The following TUNAR variants were observed in gnomAD, a reference collection of about 807,000 sequenced individuals.
TUNAR encodes protein TUNAR.
Position 95,905,384 on chromosome 14 carries a change from T to G in TUNAR, c.13-17397T>G, listed in dbSNP as rs538143567. On this transcript the variant is annotated intron_variant, in intron 2 of 2. Coordinates refer to ENST00000678517, the Ensembl canonical transcript of TUNAR. ...CCAATCTGGGGCAGTTCTTCAGTCT[T>G]TCTTTGTCTTCCATGACCCTAACAC... Among the ~76,000 whole-genome samples the G allele has an allele frequency of 4.6e-5, 7 of 152,340 alleles. No individual in the cohort carries two copies. In the South Asian group the frequency reaches 1.5e-3, roughly 32 times the overall value.
intron 2 of TUNAR, among the ~76,000 whole-genome samples, chr14:95,915,186 T>C (rs1242268250): frequency 6.6e-6 from 1 of 152,202 alleles, no homozygotes; most frequent in African/African-American, 2.4e-5. Context: ...ATACCCCTTC[T>C]GTACAAGTAA....
intron 2 of TUNAR, among the ~76,000 whole-genome samples, chr14:95,910,801 C>G (rs538330646): frequency 2.0e-5 from 3 of 152,160 alleles, no homozygotes; most frequent in Non-Finnish European, 2.9e-5. Context: ...CAGCCCCTGA[C>G]GAAGACCTTG....
At chr14:95,919,891 A>G (rs1413860900) in intron 2 of TUNAR, among the ~76,000 whole-genome samples, 3 of 152,218 alleles carry the variant, frequency 2.0e-5, no homozygotes, top group African/African-American at 7.2e-5. Context: ...AATTTGCTGT[A>G]TGTTAAAAAA....
intron 2 of TUNAR, among the ~76,000 whole-genome samples, chr14:95,901,387 C>T (rs1950255985): frequency 6.6e-6 from 1 of 152,204 alleles, no homozygotes; most frequent in Admixed American, 6.5e-5. Context: ...GGATTCTGTT[C>T]ATGTATTCAG....
chr14:95,898,623 C>CT (rs944158197), intron 2 of TUNAR, among the ~76,000 whole-genome samples: 5 of 151,718 alleles, frequency 3.3e-5, no homozygotes, highest in African/African-American at 7.3e-5. Context: ...TGTCATTTTG[C>CT]TTTTTTTTAA....
chr14:95,916,429 T>G (rs1183923174), intron 2 of TUNAR, among the ~76,000 whole-genome samples: 2 of 152,232 alleles, frequency 1.3e-5, no homozygotes, highest in Non-Finnish European at 2.9e-5. Flanking sequence ...TATTTGCAAT[T>G]CATCCATGCG....
chr14:95,896,195 C>T (rs187882314), intron 2 of TUNAR, among the ~76,000 whole-genome samples: 2 of 152,300 alleles, frequency 1.3e-5, no homozygotes, highest in East Asian at 1.9e-4. Context: ...CCTTTCCTAC[C>T]GATCTCAACG....
chr14:95,891,527 G>T (rs1889180335), intron 2 of TUNAR, among the ~76,000 whole-genome samples: 1 of 152,214 alleles, frequency 6.6e-6, no homozygotes, highest in Non-Finnish European at 1.5e-5. Context: ...AAAAGGCTCA[G>T]ACACCCTCAG....
At chr14:95,885,796 C>T (rs1889066859) in intron 2 of TUNAR, among the ~76,000 whole-genome samples, 1 of 152,148 alleles carries the variant, frequency 6.6e-6, no homozygotes, top group Non-Finnish European at 1.5e-5. Context: ...ACCCCCTGTA[C>T]CCTCTATATT....
At chr14:95,896,715 C>G (rs750072941) in intron 2 of TUNAR, among the ~76,000 whole-genome samples, 4 of 152,228 alleles carry the variant, frequency 2.6e-5, no homozygotes, top group Non-Finnish European at 5.9e-5. Context: ...CCAGGTGCCC[C>G]AAAAGGTGGA....
exon 3 of TUNAR, chr14:95,923,571 T>C (rs1889734188): frequency 6.6e-6 from 1 of 152,252 alleles, no homozygotes; most frequent in African/African-American, 2.4e-5. Context: ...TTTTTTAGCA[T>C]GAACCAAATA....
intron 2 of TUNAR, among the ~76,000 whole-genome samples, chr14:95,912,492 C>T (rs1398498493): frequency 6.6e-6 from 1 of 152,134 alleles, no homozygotes; most frequent in African/African-American, 2.4e-5. Context: ...AACTAGATAA[C>T]AGTTTTCTAT....
chr14:95,877,200 C>G (rs1190424393), intron 2 of TUNAR, 23 bp downstream of exon 1: 1 of 152,310 alleles, frequency 6.6e-6, no homozygotes, highest in Non-Finnish European at 1.5e-5. Context: ...CTCCGCCTCG[C>G]GAACAAAGCT....
chr14:95,902,092 T>C (rs1889363538), intron 2 of TUNAR, among the ~76,000 whole-genome samples: 1 of 152,148 alleles, frequency 6.6e-6, no homozygotes, highest in African/African-American at 2.4e-5. Flanking sequence ...CCTTTAGTTG[T>C]GATGGGATTG....
chr14:95,896,648 A>G (rs1889274062), intron 2 of TUNAR, among the ~76,000 whole-genome samples: 1 of 152,244 alleles, frequency 6.6e-6, no homozygotes, highest in African/African-American at 2.4e-5. Context: ...GCAAATAAAA[A>G]TGGAATCAGG....
At chr14:95,906,401 CTTT>C (rs1474439993) in intron 2 of TUNAR, among the ~76,000 whole-genome samples, 1 of 152,196 alleles carries the variant, frequency 6.6e-6, no homozygotes, top group Non-Finnish European at 1.5e-5. Context: ...CTCATTTTAA[CTTT>C]TTCCCTTTCC....
chr14:95,889,420 A>G (rs1386547799), intron 2 of TUNAR, among the ~76,000 whole-genome samples: 1 of 151,958 alleles, frequency 6.6e-6, no homozygotes, highest in Non-Finnish European at 1.5e-5. Context: ...GTGAAGGAGA[A>G]GTTGGCTTGC....
Position 95,913,921 on chromosome 14 carries a change from C to T in TUNAR, c.13-8860C>T, listed in dbSNP as rs370451128. On this transcript the variant is annotated intron_variant, in intron 2 of 2. Coordinates refer to ENST00000678517, the Ensembl canonical transcript of TUNAR. ...CTAATTTTTGTATTTATAGTAGAGACGGGGTTTCACCATGTTGGTCAGGAT... is the reference window on the plus strand; with the variant it reads ...CTAATTTTTGTATTTATAGTAGAGATGGGGTTTCACCATGTTGGTCAGGAT... Among the ~76,000 whole-genome samples the T allele has an allele frequency of 1.0e-3, 157 of 152,294 alleles. 6 individuals are homozygous for T. The South Asian group carries it at 0.03, about 30-fold the overall frequency.
intron 2 of TUNAR, among the ~76,000 whole-genome samples, chr14:95,894,442 A>G (rs577465072): frequency 6.6e-6 from 1 of 152,168 alleles, no homozygotes; most frequent in African/African-American, 2.4e-5. Flanking sequence ...TTAACCCAGG[A>G]CAGCCACACT....
Sources: gnomAD v4.1 joint callset for allele counts (sites outside exome capture counted in the v4.1 genomes callset) on GRCh38, gnomAD v4.1.1 for gene constraint, MANE v1.5 for transcripts, NCBI Gene and HGNC (gene_info 2026-07-23, HGNC 2026-07-21) for gene names.